MYT1L: variants seen among roughly 807,000 people sequenced by gnomAD.
MYT1L encodes myelin transcription factor 1 like.
In MYT1L, 12 loss-of-function variants were observed where a neutral mutation model predicts 126.7. That is an observed-to-expected ratio of 0.09 (90% CI 0.06 to 0.15). MYT1L has a LOEUF of 0.15. Ranked by LOEUF, MYT1L falls within the 10% of genes least tolerant of loss-of-function variation. The pLI is 1.00. For synonymous variants in MYT1L, 541 were observed against 604.2 expected (o/e 0.90, Z 1.53); for missense variants, 979 against 1,585.2 (o/e 0.62, Z 6.49).
chr2:2,121,140 T>C (rs761822923), intron 3 of MYT1L, among the ~76,000 whole-genome samples: 2 of 152,220 alleles, frequency 1.3e-5, no homozygotes, highest in African/African-American at 4.8e-5. Flanking sequence ...TTAAAAATAA[T>C]TGTGCTTGTA....
Position 2,189,597 on chromosome 2 carries a change from CTA to C in MYT1L, c.-420-16611_-420-16610del, listed in dbSNP as rs1491517442. On this transcript the variant is annotated intron_variant, in intron 2 of 24. Coordinates refer to ENST00000647738, the MANE Select transcript of MYT1L (RefSeq NM_001303052.2). ...TGGGTTTTAAAAATATTTTTAATAA[CTA>C]AAAAGCAAATAATGTTTTAAAATAT... 5.9e-5 allele frequency among the ~76,000 whole-genome samples: 9 copies of C among 152,170 alleles called. No homozygotes were observed. In the East Asian group the frequency reaches 1.2e-3, roughly 20 times the overall value.
intron 3 of MYT1L, among the ~76,000 whole-genome samples, chr2:2,145,972 G>C (rs956534086): frequency 6.6e-6 from 1 of 152,092 alleles, no homozygotes; most frequent in Non-Finnish European, 1.5e-5. Context: ...TGTTCCCCCC[G>C]ATCTCATGCC....
At chr2:1,907,826 C>T (rs899540679) in intron 13 of MYT1L, among the ~76,000 whole-genome samples, 6 of 152,264 alleles carry the variant, frequency 3.9e-5, no homozygotes, top group African/African-American at 1.4e-4. Flanking sequence ...GGAATACAGA[C>T]ATGCTGGGAC....
rs184267460 is a variant in MYT1L, at chr2:1,909,062, G to A, written c.1817+1178C>T. 6.3e-3 allele frequency among the ~76,000 whole-genome samples: 955 copies of A among 152,272 alleles called. 6 individuals carry two copies. Among genetic ancestry groups the A allele is most frequent in the Middle Eastern group, 0.017 (5 of 292 alleles). On this transcript the variant is annotated intron_variant, in intron 13 of 24. Transcript: ENST00000647738. ...TGAAATAATACTCAAGAACAAAAAGGATATTCATATTGTTTGCCCAGTGAT... is the reference window on the plus strand; with the variant it reads ...TGAAATAATACTCAAGAACAAAAAGAATATTCATATTGTTTGCCCAGTGAT...
rs898737398 is a variant in MYT1L, at chr2:1,790,180, GGACAAT to G, written c.*1681_*1686del. ...CAAATAGTCGACTGGCACATTGTGG[GGACAAT>G]GACCCTGTAAGTCCTGTTCTGCTAA... On this transcript the variant is annotated 3_prime_UTR_variant, in exon 25 of 25. Transcript: ENST00000647738. 8 of 151,964 alleles carry G rather than the reference GGACAAT, an allele frequency of 5.3e-5. No individual in the cohort carries two copies. Among genetic ancestry groups the G allele is most frequent in the African/African-American group, 1.9e-4 (8 of 41,366 alleles). The allele number at this position is 151,964 out of a possible 1,614,324, so 9.4% of individuals were successfully genotyped here. A position where few individuals can be genotyped will look rare whatever the true frequency, so the allele number is the denominator to read the frequency against.
chr2:2,328,725 G>GT (rs1231130847), intron 1 of MYT1L, among the ~76,000 whole-genome samples: 2 of 152,126 alleles, frequency 1.3e-5, no homozygotes, highest in Non-Finnish European at 2.9e-5. Context: ...TTTTCCAGTT[G>GT]AAAAGTAATA....
chr2:2,296,892 G>A (rs114275164), intron 1 of MYT1L, among the ~76,000 whole-genome samples: 21 of 152,304 alleles, frequency 1.4e-4, no homozygotes, highest in Non-Finnish European at 2.6e-4. Context: ...CCTCCTCATA[G>A]CAATGCCCCT....
chr2:1,916,019 T>C (rs2052770601), intron 11 of MYT1L, among the ~76,000 whole-genome samples: 3 of 152,184 alleles, frequency 2.0e-5, no homozygotes, highest in Admixed American at 2.0e-4. Context: ...CATGCTGTCT[T>C]CCTGCTCATG....
intron 22 of MYT1L, among the ~76,000 whole-genome samples, chr2:1,805,453 G>T (rs1234170500): frequency 6.6e-6 from 1 of 152,170 alleles, no homozygotes; most frequent in East Asian, 1.9e-4. Context: ...TTACACTCAG[G>T]ATATGAAAGA....
rs139658782 is a variant in MYT1L, at chr2:2,277,057, C to G, written c.-421+7347G>C. Among the ~76,000 whole-genome samples the G allele has an allele frequency of 7.3e-3, 1,109 of 152,214 alleles. 14 individuals are homozygous for G. The highest frequency in any genetic ancestry group is 0.026 in the African/African-American group (1,065 of 41,518). ...AGTGCAGTGGCGCAATCTTAGCTCACTGCAACCTCCACCTCCCTGGTTCAC... is the reference window on the plus strand; with the variant it reads ...AGTGCAGTGGCGCAATCTTAGCTCAGTGCAACCTCCACCTCCCTGGTTCAC... On this transcript the variant is annotated intron_variant, in intron 2 of 24. Transcript: ENST00000647738.
intron 4 of MYT1L, among the ~76,000 whole-genome samples, chr2:2,002,393 G>C (rs1258857568): frequency 6.6e-6 from 1 of 152,134 alleles, no homozygotes; most frequent in South Asian, 2.1e-4. Flanking sequence ...GTACAGTTGG[G>C]TATCTCTCAG....
Position 1,917,195 on chromosome 2 carries a change from G to T in MYT1L, c.1618+10C>A, listed in dbSNP as rs368216572. The stretch of plus-strand genomic sequence containing the variant: ...GCACCCCCAAGGGTAGCGGTGAGAC[G>T]TGGACTTACTTTCTGGAGGGACCCT... On this transcript the variant is annotated intron_variant, in intron 11 of 24. Transcript: ENST00000647738. The surrounding 1 kb of genome is among the most constrained non-coding windows in gnomAD (Gnocchi z 5.9). 1 of 1,611,204 alleles carries T rather than the reference G, an allele frequency of 6.2e-7. No individual in the cohort carries two copies. Among genetic ancestry groups the T allele is most frequent in the South Asian group, 1.1e-5 (1 of 90,792 alleles).
chr2:1,794,195 G>A lies in MYT1L; in HGVS notation c.3277-1731C>T, dbSNP rs1440241819. Among the ~76,000 whole-genome samples the A allele has an allele frequency of 3.3e-5, 5 of 152,192 alleles. 1 individual carries two copies. Among genetic ancestry groups the A allele is most frequent in the Non-Finnish European group, 7.4e-5 (5 of 68,020 alleles). ...TTTGCATCTGGTGGCTTTCCTAGAC[G>A]GTGGCTGCTACAGGCCCCTCGGCCC... On this transcript the variant is annotated intron_variant, in intron 23 of 24. Coordinates refer to ENST00000647738, the MANE Select transcript of MYT1L (RefSeq NM_001303052.2).
At chr2:2,163,770 C>T (rs1231583595) in intron 3 of MYT1L, among the ~76,000 whole-genome samples, 1 of 150,792 alleles carries the variant, frequency 6.6e-6, no homozygotes, top group Non-Finnish European at 1.5e-5. Context: ...AACAAAACAA[C>T]ACAAACAAAA....
In MYT1L at chr2:1,833,984, A is replaced by C. The variant is rs1022505222; in HGVS notation, c.3080+5165T>G. Among the ~76,000 whole-genome samples, 54 of 152,236 alleles carry C rather than the reference A, an allele frequency of 3.5e-4. 1 individual carries two copies. Among genetic ancestry groups the C allele is most frequent in the Admixed American group, 2.9e-3 (44 of 15,300 alleles). On this transcript the variant is annotated intron_variant, in intron 21 of 24. Transcript: ENST00000647738. Reference sequence around the variant, plus strand: ...GTCAGGTCTGAGACCCGGGGCCGGGAGTGGGCTGGGCATGTGAGCAGGGCC... The same window carrying C: ...GTCAGGTCTGAGACCCGGGGCCGGGCGTGGGCTGGGCATGTGAGCAGGGCC...
chr2:2,262,239 T>A (rs1475475037), intron 2 of MYT1L, among the ~76,000 whole-genome samples: 1 of 152,222 alleles, frequency 6.6e-6, no homozygotes, highest in Non-Finnish European at 1.5e-5. Flanking sequence ...TATCTATTTC[T>A]TAAGTTCTCT....
rs1465709527 is a variant in MYT1L, at chr2:1,910,280, C to T, written c.1777G>A (p.Asp593Asn). 9 of 1,613,186 alleles carry T rather than the reference C, an allele frequency of 5.6e-6. No individual in the cohort carries two copies. The highest frequency in any genetic ancestry group is 1.3e-5 in the African/African-American group (1 of 74,930). The change falls in exon 13 of 25, where the codon GAC becomes AAC. Residue 593 changes from aspartate to asparagine, a missense_variant. Asp to Asn is a conservative substitution (Grantham distance 23). This residue lies in a region of MYT1L where 82 missense variants were observed against 177.2 expected (regional missense o/e 0.46). Transcript: ENST00000647738. The surrounding 1 kb of genome is among the most constrained non-coding windows in gnomAD (Gnocchi z 4.8). ...GAGGCCTGGCTGGACTTGGACACGT[C>T]GCAGCTCTGGTGCTTTTCCTGTGCC... The part of the protein sequence containing the change: ...AKAQEKHQSC[D>N]VSKSSQASDR...
chr2:2,280,670 A>T (rs1449587890), intron 2 of MYT1L, among the ~76,000 whole-genome samples: 1 of 152,194 alleles, frequency 6.6e-6, no homozygotes, highest in Non-Finnish European at 1.5e-5. Context: ...GCTGCAGTGC[A>T]GCAGTCTGTG....
intron 14 of MYT1L, 55 bp downstream of exon 14, chr2:1,903,025 A>G (rs2050561802): frequency 1.3e-6 from 2 of 1,508,346 alleles, no homozygotes; most frequent in Admixed American, 1.7e-5. Flanking sequence ...TATACACAAC[A>G]ACAACATCAT....
Sources: gnomAD v4.1 joint callset for allele counts (sites outside exome capture counted in the v4.1 genomes callset) on GRCh38, gnomAD v4.1.1 for gene constraint, gnomAD v4.1.1 regional missense constraint, Gnocchi (gnomAD v3.1) non-coding constraint, MANE v1.5 for transcripts, NCBI Gene and HGNC (gene_info 2026-07-23, HGNC 2026-07-21) for gene names.